Variants in FBXO25 observed in about 807,000 individuals in gnomAD.
The protein encoded by FBXO25 is F-box only protein 25.
FBXO25 carries 45 observed loss-of-function variants against 51.9 expected under a neutral mutation model. The observed-to-expected ratio is 0.87, with a 90% CI of 0.68 to 1.11. FBXO25 has a LOEUF of 1.11. FBXO25 is among the 50% of genes most tolerant of loss of function. FBXO25 has a pLI of 0.00. For missense variants in FBXO25, 507 were observed against 428.5 expected, an observed-to-expected ratio of 1.18 and a Z score of -1.62; for synonymous variants, 199 against 151.0, an observed-to-expected ratio of 1.32 and a Z score of -2.33.
chr8:444,768 A>T (rs1798633435), intron 5 of FBXO25, among the ~76,000 whole-genome samples: 1 of 152,086 alleles, frequency 6.6e-6, no homozygotes, highest in South Asian at 2.1e-4. Context: ...CTATGTTTAG[A>T]TATATTTAGA....
At chr8:412,922 G>A in intron 1 of FBXO25, 151 bp from the exon 2 acceptor site, 1 of 755,964 alleles carries the variant, frequency 1.3e-6, no homozygotes, top group Non-Finnish European at 1.9e-6. Flanking sequence ...CTGTGTTATT[G>A]TCACTGTCAC....
chr8:407,317 G>T, intron 1 of FBXO25: 4 of 972,156 alleles, frequency 4.1e-6, no homozygotes, highest in Non-Finnish European at 4.9e-6. Context: ...GGGTTGTCGC[G>T]GGCGCGTCAG....
Position 407,525 on chromosome 8 carries a change from C to G in FBXO25, c.-8+459C>G, listed in dbSNP as rs138724325. The G allele has an allele frequency of 8.2e-4, 672 of 822,378 alleles. 4 individuals are homozygous for G. The African/African-American group carries it at 0.011, about 14-fold the overall frequency. 50.9% of individuals were successfully genotyped at this position (822,378 alleles called of 1,614,324 possible). A position where few individuals can be genotyped will look rare whatever the true frequency, so the allele number is the denominator to read the frequency against. ...GTGCACCGCGCGTCCTCAGCCGCTTCCCCTGCCCACCTTCTGCGACCCCTT... is the reference window on the plus strand; with the variant it reads ...GTGCACCGCGCGTCCTCAGCCGCTTGCCCTGCCCACCTTCTGCGACCCCTT... On this transcript the variant is annotated intron_variant, in intron 1 of 9. Coordinates refer to ENST00000350302, the MANE Select transcript of FBXO25 (RefSeq NM_183420.2).
At position 451,467 on chromosome 8, in the gene FBXO25, G is replaced by C; in HGVS notation, c.660+14G>C. 1 of 1,607,720 alleles carries C rather than the reference G, an allele frequency of 6.2e-7. No individual in the cohort carries two copies. The highest frequency in any genetic ancestry group is 2.2e-5 in the East Asian group (1 of 44,800). On this transcript the variant is annotated intron_variant, in intron 7 of 9. Coordinates refer to ENST00000350302, the MANE Select transcript of FBXO25 (RefSeq NM_183420.2). ...CAGATGACTAAGGTATAAATATCTC[G>C]GCATAAGAGTTATTACACTCTGTTT...
intron 1 of FBXO25, among the ~76,000 whole-genome samples, chr8:408,992 G>A (rs545943266): frequency 5.3e-4 from 80 of 152,224 alleles, no homozygotes; most frequent in Admixed American, 2.4e-3. Flanking sequence ...AGCGTATAAA[G>A]CTCTAGCAAT....
chr8:453,932 T>G (rs1799256648), intron 7 of FBXO25, among the ~76,000 whole-genome samples: 2 of 152,124 alleles, frequency 1.3e-5, no homozygotes, highest in Non-Finnish European at 2.9e-5. Flanking sequence ...GAGACCAGCC[T>G]GGCCAGCATG....
chr8:453,905 C>G (rs562267976), intron 7 of FBXO25, among the ~76,000 whole-genome samples: 2 of 152,212 alleles, frequency 1.3e-5, no homozygotes, highest in East Asian at 1.9e-4. Flanking sequence ...AGGTGGATCA[C>G]CTGAGGTCAG....
intron 4 of FBXO25, among the ~76,000 whole-genome samples, chr8:434,985 C>T (rs1798017968): frequency 6.6e-6 from 1 of 152,136 alleles, no homozygotes; most frequent in Non-Finnish European, 1.5e-5. Flanking sequence ...TGCCCGTGGT[C>T]ACATCCAGCA....
At chr8:454,549 G>C (rs1799295628) in intron 7 of FBXO25, among the ~76,000 whole-genome samples, 1 of 152,176 alleles carries the variant, frequency 6.6e-6, no homozygotes, top group Admixed American at 6.5e-5. Flanking sequence ...ATGCACACAG[G>C]GCTGTTGACA....
chr8:407,394 G>C, intron 1 of FBXO25: 3 of 981,052 alleles, frequency 3.1e-6, no homozygotes, highest in Non-Finnish European at 2.4e-6. Flanking sequence ...AGGTAGGGAC[G>C]ATGGGCCGCG....
intron 2 of FBXO25, among the ~76,000 whole-genome samples, chr8:418,321 CGTTT>C (rs1161304636): frequency 1.5e-5 from 2 of 136,890 alleles, no homozygotes; most frequent in Non-Finnish European, 3.2e-5. Context: ...TTCTTTTGTT[CGTTT>C]GTTTGTTCTT....
intron 4 of FBXO25, 146 bp from the exon 5 acceptor site, chr8:435,469 A>G (rs1585044288): frequency 3.1e-6 from 3 of 982,276 alleles, no homozygotes; most frequent in South Asian, 1.7e-5. Flanking sequence ...ATTTTACTAT[A>G]CTCTCATCTA....
chr8:455,819 T>C (rs1799388758), intron 7 of FBXO25, among the ~76,000 whole-genome samples: 1 of 152,210 alleles, frequency 6.6e-6, no homozygotes, highest in African/African-American at 2.4e-5. Context: ...CAGCAGGATT[T>C]CTGACATGTT....
intron 7 of FBXO25, among the ~76,000 whole-genome samples, chr8:453,014 C>T (rs1799190689): frequency 6.6e-6 from 1 of 152,156 alleles, no homozygotes; most frequent in Non-Finnish European, 1.5e-5. Flanking sequence ...CTGACCATAG[C>T]CAGTGAAGGA....
At chr8:429,090 A>T (rs377704537) in intron 2 of FBXO25, among the ~76,000 whole-genome samples, 1 of 152,124 alleles carries the variant, frequency 6.6e-6, no homozygotes, top group Non-Finnish European at 1.5e-5. Flanking sequence ...TGGTAATTCT[A>T]TGTTTAATTT....
At chr8:407,665 C>A (rs565650532) in intron 1 of FBXO25, among the ~76,000 whole-genome samples, 9 of 152,124 alleles carry the variant, frequency 5.9e-5, no homozygotes, top group African/African-American at 1.9e-4. Context: ...CGGTCCTTGC[C>A]TCTTCGCCGG....
At position 457,250 on chromosome 8, in the gene FBXO25, G is replaced by C. The variant is rs1379597418; in HGVS notation, c.661-1119G>C. ...CAGAACCCCACTGTCAGGAAGACGT[G>C]TTTCTAGTGAGAATGAAGGGATTTA... On this transcript the variant is annotated intron_variant, in intron 7 of 9. Coordinates refer to ENST00000350302, the MANE Select transcript of FBXO25 (RefSeq NM_183420.2). Among the ~76,000 whole-genome samples, 3 of 152,312 alleles carry C rather than the reference G, an allele frequency of 2.0e-5. No individual in the cohort carries two copies. In the East Asian group the frequency reaches 5.8e-4, roughly 29 times the overall value.
At position 466,624 on chromosome 8, in the gene FBXO25, G is replaced by A. The variant is rs749253993; in HGVS notation, c.988-2091G>A. ...CGACACCATGGTGCATCTGTCTCAG[G>A]TCTGCATCTGGTATTTATCACTTCC... On this transcript the variant is annotated intron_variant, in intron 9 of 9. Transcript: ENST00000350302. Among the ~76,000 whole-genome samples the A allele has an allele frequency of 1.7e-3, 253 of 152,326 alleles. 3 individuals are homozygous for A. Among genetic ancestry groups the A allele is most frequent in the Non-Finnish European group, 1.2e-3 (79 of 68,026 alleles).
intron 7 of FBXO25, among the ~76,000 whole-genome samples, chr8:456,308 C>T (rs1585087902): frequency 6.6e-6 from 1 of 152,158 alleles, no homozygotes; most frequent in East Asian, 1.9e-4. Context: ...CTCCTGGGCT[C>T]AGGTGATCCT....
Sources: allele counts gnomAD v4.1 joint callset (sites outside exome capture counted in the v4.1 genomes callset), GRCh38; gene constraint gnomAD v4.1.1; transcripts MANE v1.5; gene names NCBI Gene and HGNC (gene_info 2026-07-23, HGNC 2026-07-21).